KCNB2: variants seen among roughly 807,000 people sequenced by gnomAD.
The protein encoded by KCNB2 is potassium voltage-gated channel subfamily B member 2.
A neutral mutation model predicts 61.5 loss-of-function variants in KCNB2; 15 were observed. The observed-to-expected ratio is 0.24, with a 90% CI of 0.16 to 0.38. The LOEUF is 0.38. Among genes scored for constraint, KCNB2 ranks in the 10% least tolerant of loss-of-function variants. The pLI is 1.00. For missense variants in KCNB2, 828 were observed against 1,125.2 expected, an observed-to-expected ratio of 0.74 and a Z score of 3.78; for synonymous variants, 457 against 446.0, an observed-to-expected ratio of 1.02 and a Z score of -0.31.
intron 2 of KCNB2, among the ~76,000 whole-genome samples, chr8:72,932,197 C>T (rs1393861875): frequency 6.6e-6 from 1 of 152,182 alleles, no homozygotes; most frequent in Non-Finnish European, 1.5e-5. Flanking sequence ...TAACCAGGTA[C>T]AGGGAGAAGG....
At chr8:72,776,444 A>G (rs943176372) in intron 2 of KCNB2, among the ~76,000 whole-genome samples, 3 of 152,190 alleles carry the variant, frequency 2.0e-5, no homozygotes, top group Admixed American at 6.5e-5. Flanking sequence ...TTAAAAACAC[A>G]TTGCTCTTTA....
At chr8:72,757,263 T>C (rs1808304590) in intron 2 of KCNB2, among the ~76,000 whole-genome samples, 2 of 152,140 alleles carry the variant, frequency 1.3e-5, no homozygotes, top group South Asian at 4.1e-4. Flanking sequence ...GTATGGTGTC[T>C]ATTGAATTGG....
At chr8:72,699,495 G>C (rs886376476) in intron 2 of KCNB2, among the ~76,000 whole-genome samples, 10 of 151,728 alleles carry the variant, frequency 6.6e-5, no homozygotes, top group African/African-American at 2.4e-4. Flanking sequence ...CTGGATATTA[G>C]ACATTTGTCA....
chr8:72,707,117 A>G (rs933469972), intron 2 of KCNB2, among the ~76,000 whole-genome samples: 2 of 152,254 alleles, frequency 1.3e-5, no homozygotes, highest in Admixed American at 6.5e-5. Flanking sequence ...TTCATAAGGC[A>G]GAAGTAAACC....
chr8:72,897,562 T>C (rs539090991), intron 2 of KCNB2, among the ~76,000 whole-genome samples: 1 of 152,310 alleles, frequency 6.6e-6, no homozygotes, highest in Non-Finnish European at 1.5e-5. Context: ...TAAAAGATGA[T>C]AGCAGCTAAT....
chr8:72,701,171 TCA>T (rs1430802694), intron 2 of KCNB2, among the ~76,000 whole-genome samples: 1 of 152,056 alleles, frequency 6.6e-6, no homozygotes, highest in Non-Finnish European at 1.5e-5. Flanking sequence ...AGTCTTAGCA[TCA>T]CACAGTATAC....
intron 2 of KCNB2, among the ~76,000 whole-genome samples, chr8:72,853,853 C>T (rs1463148154): frequency 6.6e-6 from 1 of 152,160 alleles, no homozygotes; most frequent in Non-Finnish European, 1.5e-5. Flanking sequence ...TGAAGATTTT[C>T]CCAGTTTCTT....
At chr8:72,580,801 G>A (rs1435557062) in intron 2 of KCNB2, among the ~76,000 whole-genome samples, 1 of 152,056 alleles carries the variant, frequency 6.6e-6, no homozygotes, top group Non-Finnish European at 1.5e-5. Flanking sequence ...GACTATTGTT[G>A]TAAGTCATGA....
intron 2 of KCNB2, among the ~76,000 whole-genome samples, chr8:72,914,855 C>G (rs143629161): frequency 6.6e-6 from 1 of 151,364 alleles, no homozygotes; most frequent in Non-Finnish European, 1.5e-5. Flanking sequence ...CATATCCTGA[C>G]GATTGAGGAG....
chr8:72,862,048 T>C (rs1805426447), intron 2 of KCNB2, among the ~76,000 whole-genome samples: 1 of 152,130 alleles, frequency 6.6e-6, no homozygotes, highest in Non-Finnish European at 1.5e-5. Flanking sequence ...GGTGCACAAC[T>C]GTAGTCCCAG....
intron 2 of KCNB2, among the ~76,000 whole-genome samples, chr8:72,797,337 A>T (rs1012747343): frequency 1.3e-5 from 2 of 152,214 alleles, no homozygotes; most frequent in African/African-American, 4.8e-5. Context: ...CAGAAACCAG[A>T]AGTTCCAACT....
intron 2 of KCNB2, among the ~76,000 whole-genome samples, chr8:72,591,082 C>A (rs1176928849): frequency 3.3e-5 from 5 of 151,810 alleles, no homozygotes; most frequent in Non-Finnish European, 5.9e-5. Context: ...TTACCCTTTT[C>A]ACTTGGAGAC....
chr8:72,711,717 C>T (rs1267747531), intron 2 of KCNB2, among the ~76,000 whole-genome samples: 2 of 151,238 alleles, frequency 1.3e-5, no homozygotes, highest in Admixed American at 6.6e-5. Context: ...GGGACAGGCA[C>T]GGTGGCTTAC....
rs909418624 is a variant in KCNB2, at chr8:72,936,936, G to A, written c.1581G>A (p.Thr527=). The A allele has an allele frequency of 2.5e-6, 4 of 1,614,016 alleles. No individual in the cohort carries two copies. Among genetic ancestry groups the A allele is most frequent in the Admixed American group, 1.7e-5 (1 of 59,984 alleles). Residue 527 remains threonine (T), a synonymous_variant, in exon 3 of 3, where the codon ACG becomes ACA. Transcript: ENST00000523207. The surrounding 1 kb of genome is among the most constrained non-coding windows in gnomAD (Gnocchi z 5.6). ...QKDSHEQLNN[T]SSSSPQHLSA... is the part of the protein sequence containing the mutation. ...ACTCCCACGAGCAGCTGAACAACAC[G>A]TCTTCCTCCAGCCCACAGCATCTGA...
chr8:72,569,876 G>C (rs1446901109), intron 2 of KCNB2, among the ~76,000 whole-genome samples: 1 of 152,136 alleles, frequency 6.6e-6, no homozygotes, highest in Non-Finnish European at 1.5e-5. Flanking sequence ...TTAGCCAACT[G>C]TATAAAAATA....
intron 2 of KCNB2, among the ~76,000 whole-genome samples, chr8:72,841,254 T>C (rs1427807432): frequency 6.6e-6 from 1 of 152,096 alleles, no homozygotes; most frequent in Non-Finnish European, 1.5e-5. Context: ...TCTGTTCCAT[T>C]GGTCTGTATA....
chr8:72,675,819 T>C (rs1006401713), intron 2 of KCNB2, among the ~76,000 whole-genome samples: 2 of 152,324 alleles, frequency 1.3e-5, no homozygotes, highest in Middle Eastern at 3.4e-3. Flanking sequence ...CCCAAAGTGC[T>C]GGGATTACAG....
chr8:72,598,266 TTCA>T (rs1323867802), intron 2 of KCNB2, among the ~76,000 whole-genome samples: 2 of 152,180 alleles, frequency 1.3e-5, no homozygotes, highest in Non-Finnish European at 2.9e-5. Flanking sequence ...TCAAGTGGAC[TTCA>T]TCACTCAGAT....
At chr8:72,719,819 G>A (rs905278895) in intron 2 of KCNB2, among the ~76,000 whole-genome samples, 1 of 151,802 alleles carries the variant, frequency 6.6e-6, no homozygotes, top group Non-Finnish European at 1.5e-5. Flanking sequence ...GATTGTAATT[G>A]AAAAACAATG....
Sources: allele counts gnomAD v4.1 joint callset (sites outside exome capture counted in the v4.1 genomes callset), GRCh38; gene constraint gnomAD v4.1.1; non-coding constraint Gnocchi (gnomAD v3.1); transcripts MANE v1.5; gene names NCBI Gene and HGNC (gene_info 2026-07-23, HGNC 2026-07-21).